Variants in ZNF730 observed in about 807,000 individuals in gnomAD.
ZNF730 encodes the protein putative zinc finger protein 730.
ZNF730 carries 12 observed loss-of-function variants against 12.6 expected under a neutral mutation model. The ratio of observed to expected loss-of-function variants is 0.95; its 90% CI spans 0.61 to 1.54. ZNF730 has a LOEUF of 1.54. ZNF730 is among the 40% of genes most tolerant of loss of function. The probability of loss-of-function intolerance (pLI) is 0.00; values close to 1 mark genes in which losing one functional copy is unlikely to be tolerated. For missense variants in ZNF730, 643 were observed against 583.5 expected, an observed-to-expected ratio of 1.10 and a Z score of -1.05; for synonymous variants, 194 against 195.8, an observed-to-expected ratio of 0.99 and a Z score of 0.08.
At chr19:23,122,568 A>T (rs549842878) in intron 1 of ZNF730, among the ~76,000 whole-genome samples, 1 of 152,380 alleles carries the variant, frequency 6.6e-6, no homozygotes, top group South Asian at 2.1e-4. Context: ...CTGATTATCC[A>T]AGGTAATTAT....
intron 1 of ZNF730, among the ~76,000 whole-genome samples, chr19:23,083,082 C>T (rs1039378077): frequency 2.0e-5 from 3 of 151,948 alleles, no homozygotes; most frequent in East Asian, 1.9e-4. Context: ...GCAATAAACA[C>T]GGGAATGCAG....
At chr19:23,124,457 G>A (rs1345995060) in intron 1 of ZNF730, among the ~76,000 whole-genome samples, 2 of 152,194 alleles carry the variant, frequency 1.3e-5, no homozygotes, top group Non-Finnish European at 2.9e-5. Flanking sequence ...TCCAGGTTCT[G>A]GAGCTCGACC....
At chr19:23,122,404 A>G (rs1568311869) in intron 1 of ZNF730, among the ~76,000 whole-genome samples, 3 of 152,118 alleles carry the variant, frequency 2.0e-5, no homozygotes, top group Non-Finnish European at 4.4e-5. Context: ...TGGCCTCCCA[A>G]AGTGCTGGGA....
Position 23,146,384 on chromosome 19 carries a change from C to T in ZNF730, c.1340C>T (p.Thr447Ile), listed in dbSNP as rs200645540. 1.7e-4 allele frequency: 271 copies of T among 1,612,590 alleles called. No individual in the cohort carries two copies. Among genetic ancestry groups the T allele is most frequent in the Middle Eastern group, 5.0e-4 (3 of 6,046 alleles). Residue 447 changes from threonine (T) to isoleucine (I), a missense_variant, in exon 4 of 4, where the codon ACT (threonine) becomes ATT (isoleucine). Coordinates refer to ENST00000597761, the MANE Select transcript of ZNF730 (RefSeq NM_001277403.2). Reference sequence around the variant, plus strand: ...CTTACTACACATAAAAGAATTCATACTGGAGAGAAACCCTATGAATGTGAA... The same window carrying T: ...CTTACTACACATAAAAGAATTCATATTGGAGAGAAACCCTATGAATGTGAA... ...STLTTHKRIH[T>I]GEKPYECEEC...
At chr19:23,116,947 A>G (rs1014296875), upstream of ZNF730, 13 of 109,530 alleles carry the variant, frequency 1.2e-4, no homozygotes, top group East Asian at 8.9e-4. Flanking sequence ...ACGTTATCCA[A>G]TCGGGGACAC....
At position 23,146,443 on chromosome 19, in the gene ZNF730, C is replaced by T. The variant is rs757870569; in HGVS notation, c.1399C>T (p.Leu467Phe). The change falls in exon 4 of 4, where the codon CTC (leucine) becomes TTC (phenylalanine). Residue 467 changes from leucine to phenylalanine, a missense_variant. By Grantham distance (22) the Leu-to-Phe change is conservative. Coordinates refer to ENST00000597761, the MANE Select transcript of ZNF730 (RefSeq NM_001277403.2). ...CGKAFNRSSTLTTHKIIHSGE... is the reference protein window; with the variant it reads ...CGKAFNRSSTFTTHKIIHSGE... ...CAAAGCTTTTAACCGGTCCTCAACC[C>T]TCACTACACATAAGATAATTCATTC... The T allele has an allele frequency of 6.2e-7, 1 of 1,612,508 alleles. No individual in the cohort carries two copies. Among genetic ancestry groups the T allele is most frequent in the Non-Finnish European group, 8.5e-7 (1 of 1,179,774 alleles).
rs756767496 is a variant in ZNF730, at chr19:23,146,334, C to T, written c.1290C>T (p.Gly430=). ...AACCCTACAAATGTGAAGAATGTGG[C>T]AGAGCTTTCAACCAGTCCTCAACCC... ...GEKPYKCEEC[G]RAFNQSSTLT... The change falls in exon 4 of 4, where the codon GGC becomes GGT. Residue 430 remains glycine (G), a synonymous_variant. Transcript: ENST00000597761. The T allele has an allele frequency of 1.2e-6, 2 of 1,613,392 alleles. No individual in the cohort carries two copies. The highest frequency in any genetic ancestry group is 3.3e-5 in the Admixed American group (2 of 59,986).
chr19:23,079,239 C>T (rs747325172), intron 1 of ZNF730, among the ~76,000 whole-genome samples: 1 of 152,146 alleles, frequency 6.6e-6, no homozygotes. Context: ...CTCACTGCAA[C>T]CTCTGCCTCC....
chr19:23,118,053 T>G (rs6417215), intron 1 of ZNF730, among the ~76,000 whole-genome samples: 149,497 of 152,104 alleles, frequency 0.98, 73,503 homozygotes, highest in Middle Eastern at 1. Context: ...CCTAACTCTG[T>G]CTTGCAGTAA....
chr19:23,110,112 A>G (rs1370392742), intron 1 of ZNF730, among the ~76,000 whole-genome samples: 1 of 135,876 alleles, frequency 7.4e-6, no homozygotes, highest in Non-Finnish European at 1.6e-5. Context: ...GATTACAGGC[A>G]TGCACCACCA....
chr19:23,100,691 T>C (rs1970326659), intron 1 of ZNF730, among the ~76,000 whole-genome samples: 1 of 122,726 alleles, frequency 8.1e-6, no homozygotes, highest in African/African-American at 3.2e-5. Context: ...AATCTTGCTC[T>C]GTCACCCAGG....
At chr19:23,141,538 C>T (rs753373938) in intron 3 of ZNF730, among the ~76,000 whole-genome samples, 2 of 152,212 alleles carry the variant, frequency 1.3e-5, no homozygotes, top group African/African-American at 2.4e-5. Flanking sequence ...CTGCACTCCA[C>T]CTTGTAATCT....
chr19:23,142,909 T>C (rs1311487110), intron 3 of ZNF730, among the ~76,000 whole-genome samples: 34 of 152,080 alleles, frequency 2.2e-4, no homozygotes, highest in Non-Finnish European at 8.8e-5. Context: ...TATACAGATA[T>C]TTTCTTTGTG....
intron 1 of ZNF730, chr19:23,128,550 C>A: frequency 4.2e-6 from 1 of 239,172 alleles, no homozygotes. Context: ...CTAATCCAAA[C>A]AATTTTCAAT....
At chr19:23,135,924 T>C (rs1369480436) in intron 2 of ZNF730, 24 bp from the exon 3 acceptor site, 1 of 1,589,626 alleles carries the variant, frequency 6.3e-7, no homozygotes, top group East Asian at 2.3e-5. Flanking sequence ...ATGAGCAAGA[T>C]TCATGTTATT....
intron 1 of ZNF730, among the ~76,000 whole-genome samples, chr19:23,078,823 G>A (rs1224601486): frequency 6.8e-6 from 1 of 145,990 alleles, no homozygotes; most frequent in Admixed American, 6.8e-5. Context: ...TTTTTTTTTT[G>A]AAATGGAGTT....
Position 23,146,389 on chromosome 19 carries a change from G to A in ZNF730, c.1345G>A (p.Glu449Lys), listed in dbSNP as rs759777472. Residue 449 changes from glutamate (E) to lysine (K), a missense_variant, in exon 4 of 4, where the codon GAG becomes AAG. By Grantham distance (56) the Glu-to-Lys change is moderately conservative. Transcript: ENST00000597761. Reference protein sequence around the residue: ...LTTHKRIHTGEKPYECEECGK... With the variant: ...LTTHKRIHTGKKPYECEECGK... ...TACACATAAAAGAATTCATACTGGA[G>A]AGAAACCCTATGAATGTGAAGAATG... 12 of 1,613,342 alleles carry A rather than the reference G, an allele frequency of 7.4e-6. No individual in the cohort carries two copies. Among genetic ancestry groups the A allele is most frequent in the Admixed American group, 1.7e-5 (1 of 60,008 alleles).
intron 1 of ZNF730, among the ~76,000 whole-genome samples, chr19:23,093,121 C>T (rs1050517200): frequency 2.0e-5 from 3 of 152,082 alleles, no homozygotes; most frequent in African/African-American, 7.2e-5. Flanking sequence ...CTCTTACAGG[C>T]ACACGCCACT....
At chr19:23,092,359 C>A (rs1970173269) in intron 1 of ZNF730, among the ~76,000 whole-genome samples, 1 of 151,798 alleles carries the variant, frequency 6.6e-6, no homozygotes, top group South Asian at 2.1e-4. Context: ...CTTTGGGAGG[C>A]CGAGGCAGGC....
Sources: gnomAD v4.1 joint callset for allele counts (sites outside exome capture counted in the v4.1 genomes callset) on GRCh38, gnomAD v4.1.1 for gene constraint, MANE v1.5 for transcripts, NCBI Gene and HGNC (gene_info 2026-07-23, HGNC 2026-07-21) for gene names.